ZNF134: variants seen among roughly 807,000 people sequenced by gnomAD.
ZNF134 encodes zinc finger protein 134 (clone pHZ-15).
A neutral mutation model predicts 2.5 loss-of-function variants in ZNF134; 5 were observed. That is an observed-to-expected ratio of 2.03 (90% CI 1.06 to 4.27). The LOEUF (loss-of-function observed/expected upper bound fraction) is 4.27. ZNF134 is among the 30% of genes most tolerant of loss of function. ZNF134 has a pLI of 0.00. For synonymous variants in ZNF134, 176 were observed against 176.2 expected (o/e 1.00, Z 0.01); for missense variants, 540 against 517.5 (o/e 1.04, Z -0.42).
rs188065824 is a variant in ZNF134, at chr19:57,616,220, A to G, written c.-58+1717A>G. On this transcript the variant is annotated intron_variant, in intron 1 of 2. Coordinates refer to ENST00000396161, the MANE Select transcript of ZNF134 (RefSeq NM_003435.5). ...GCAGCTCCCCTTCAGAGGAATATGT[A>G]TCAGGTAGGCTGGTTTAGTGCAAGG... 3.7e-3 allele frequency among the ~76,000 whole-genome samples: 562 copies of G among 152,328 alleles called. 5 individuals are homozygous for G. Among genetic ancestry groups the G allele is most frequent in the African/African-American group, 0.01 (427 of 41,564 alleles).
At chr19:57,617,369 T>C (rs1173453629) in intron 1 of ZNF134, among the ~76,000 whole-genome samples, 2 of 152,210 alleles carry the variant, frequency 1.3e-5, no homozygotes, top group South Asian at 2.1e-4. Flanking sequence ...GGATGGATTC[T>C]GAATCATTTT....
At chr19:57,619,223 T>C (rs1228353268) in intron 1 of ZNF134, among the ~76,000 whole-genome samples, 189 bp from the exon 2 acceptor site, 1 of 152,188 alleles carries the variant, frequency 6.6e-6, no homozygotes, top group Non-Finnish European at 1.5e-5. Flanking sequence ...GTAATTTCCT[T>C]GAGTCTGCCT....
chr19:57,617,091 C>T (rs1981074364), intron 1 of ZNF134, among the ~76,000 whole-genome samples: 1 of 152,184 alleles, frequency 6.6e-6, no homozygotes, highest in Non-Finnish European at 1.5e-5. Flanking sequence ...GAACCTCAGG[C>T]CTCCATTATG....
chr19:57,621,356 T>C lies in ZNF134; in HGVS notation c.1237T>C (p.Ser413Pro), dbSNP rs1981214571. The C allele has an allele frequency of 6.2e-7, 1 of 1,613,956 alleles. No individual in the cohort carries two copies. Among genetic ancestry groups the C allele is most frequent in the South Asian group, 1.1e-5 (1 of 91,062 alleles). The change falls in exon 3 of 3, where the codon TCC becomes CCC. Residue 413 changes from serine (S) to proline (P), a missense_variant. By Grantham distance (74) the Ser-to-Pro change is moderately conservative. Coordinates refer to ENST00000396161, the MANE Select transcript of ZNF134 (RefSeq NM_003435.5). ...SECGKAYSLS[S>P]HLNRHQKVHT... ...ATGTGGGAAGGCCTACAGCTTAAGC[T>C]CCCACCTCAATCGGCACCAGAAAGT... is the stretch of plus-strand genomic sequence containing the variant.
At position 57,621,249 on chromosome 19, in the gene ZNF134, G is replaced by A; in HGVS notation, c.1130G>A (p.Cys377Tyr). 1 of 1,614,138 alleles carries A rather than the reference G, an allele frequency of 6.2e-7. No individual in the cohort carries two copies. The highest frequency in any genetic ancestry group is 8.5e-7 in the Non-Finnish European group (1 of 1,180,022). The change falls in exon 3 of 3, where the codon TGT (cysteine) becomes TAT (tyrosine). Residue 377 changes from cysteine (C) to tyrosine (Y), a missense_variant. Transcript: ENST00000396161. ...GAAAGGCCTTTTGTGTGCAGTAAAT[G>A]TGGGAAAGACTTTATCAGAACCTCC... Reference protein sequence around the residue: ...TGERPFVCSKCGKDFIRTSHL... With the variant: ...TGERPFVCSKYGKDFIRTSHL...
chr19:57,614,427 C>T lies in ZNF134; in HGVS notation c.-134C>T, dbSNP rs754230157. On this transcript the variant is annotated 5_prime_UTR_variant, in exon 1 of 3. Transcript: ENST00000396161. The stretch of plus-strand genomic sequence containing the variant: ...GGACGACCGCGGTGCCAGGGTCCCG[C>T]GACCTGGGACCCCCTCGCGGCTCCG... 4.5e-5 allele frequency: 20 copies of T among 446,496 alleles called. No individual in the cohort carries two copies. The highest frequency in any genetic ancestry group is 2.0e-4 in the South Asian group (13 of 63,692). The allele number at this position is 446,496 out of a possible 1,614,324, so 27.7% of individuals were successfully genotyped here. A position where few individuals can be genotyped will look rare whatever the true frequency, so the allele number is the denominator to read the frequency against.
At position 57,622,040 on chromosome 19, in the gene ZNF134, G is replaced by A. The variant is rs1981238632; in HGVS notation, c.*637G>A. 6.0e-6 allele frequency: 1 copy of A among 167,336 alleles called. No homozygotes were observed. Among genetic ancestry groups the A allele is most frequent in the Non-Finnish European group, 1.3e-5 (1 of 75,706 alleles). The allele number at this position is 167,336 out of a possible 1,614,324, so 10.4% of individuals were successfully genotyped here. ...TTTGCCTCAAATGGGACAGTGGGTT[G>A]AGGGAGAACAGTTCTTAGTCCAGTT... On this transcript the variant is annotated 3_prime_UTR_variant, in exon 3 of 3. Transcript: ENST00000396161.
In ZNF134 at chr19:57,624,631, C is replaced by T. The variant is rs1293718650; in HGVS notation, c.*3228C>T. On this transcript the variant is annotated 3_prime_UTR_variant, in exon 3 of 3. Coordinates refer to ENST00000396161, the MANE Select transcript of ZNF134 (RefSeq NM_003435.5). ...ACACCCATACAATTAGAAACCCAAA[C>T]TTTGTTTTGCATGACTTGCTCTCAG... 6.6e-6 allele frequency: 1 copy of T among 152,232 alleles called. No homozygotes were observed. The highest frequency in any genetic ancestry group is 6.5e-5 in the Admixed American group (1 of 15,282). 9.4% of individuals were successfully genotyped at this position (152,232 alleles called of 1,614,324 possible).
chr19:57,621,157 C>T lies in ZNF134; in HGVS notation c.1038C>T (p.Cys346=). Residue 346 remains cysteine, a synonymous_variant, in exon 3 of 3, where the codon TGC becomes TGT. Transcript: ENST00000396161. ...ACACTGAGTCAAAGCCGTTTGAGTGCATTGAATGCGGGAAATTCTTTAGTC... is the reference window on the plus strand; with the variant it reads ...ACACTGAGTCAAAGCCGTTTGAGTGTATTGAATGCGGGAAATTCTTTAGTC... The part of the protein sequence containing the change: ...RIHTESKPFE[C]IECGKFFSRS... The T allele has an allele frequency of 6.2e-7, 1 of 1,614,230 alleles. No homozygotes were observed. Among genetic ancestry groups the T allele is most frequent in the South Asian group, 1.1e-5 (1 of 91,086 alleles).
Position 57,623,557 on chromosome 19 carries a change from A to AT in ZNF134, c.*2154_*2155insT, listed in dbSNP as rs1568631627. On this transcript the variant is annotated 3_prime_UTR_variant, in exon 3 of 3. Coordinates refer to ENST00000396161, the MANE Select transcript of ZNF134 (RefSeq NM_003435.5). ...AGCCCATCTTAATTGGAAAAAAAAA[A>AT]CAAACCATTGAAATTAAGAGATTCA... 6.6e-6 allele frequency: 1 copy of AT among 152,188 alleles called. No individual in the cohort carries two copies. Among genetic ancestry groups the AT allele is most frequent in the African/African-American group, 2.4e-5 (1 of 41,440 alleles). The allele number at this position is 152,188 out of a possible 1,614,324, so 9.4% of individuals were successfully genotyped here.
At chr19:57,617,741 T>A (rs1435768824) in intron 1 of ZNF134, among the ~76,000 whole-genome samples, 1 of 152,114 alleles carries the variant, frequency 6.6e-6, no homozygotes, top group Non-Finnish European at 1.5e-5. Flanking sequence ...ATGGTGACAG[T>A]GCCATCAGCA....
At position 57,621,537 on chromosome 19, in the gene ZNF134, C is replaced by A; in HGVS notation, c.*134C>A. On this transcript the variant is annotated 3_prime_UTR_variant, in exon 3 of 3. Transcript: ENST00000396161. ...GGGATATGTTGCACTTTCTGACTTG[C>A]TCAGGTTTTTTGCCAGAGTTATGTC... 2 of 1,437,416 alleles carry A rather than the reference C, an allele frequency of 1.4e-6. No individual in the cohort carries two copies. Among genetic ancestry groups the A allele is most frequent in the Non-Finnish European group, 1.9e-6 (2 of 1,033,438 alleles). The allele number at this position is 1,437,416 out of a possible 1,614,324, so 89.0% of individuals were successfully genotyped here. A position where few individuals can be genotyped will look rare whatever the true frequency, so the allele number is the denominator to read the frequency against.
chr19:57,621,428 C>T lies in ZNF134; in HGVS notation c.*25C>T, dbSNP rs752642909. On this transcript the variant is annotated 3_prime_UTR_variant, in exon 3 of 3. Transcript: ENST00000396161. The stretch of plus-strand genomic sequence containing the variant: ...GGAGTGCTTTGAATACAACAGGACT[C>T]ATCAATCAGATGTTGAATTTCATGT... 9.3e-6 allele frequency: 15 copies of T among 1,609,272 alleles called. No homozygotes were observed. Among genetic ancestry groups the T allele is most frequent in the East Asian group, 8.9e-5 (4 of 44,904 alleles).
rs550975119 is a variant in ZNF134, at chr19:57,620,283, G to A, written c.164G>A (p.Cys55Tyr). 6.2e-7 allele frequency: 1 copy of A among 1,614,188 alleles called. No individual in the cohort carries two copies. The highest frequency in any genetic ancestry group is 1.1e-5 in the South Asian group (1 of 91,084). Residue 55 changes from cysteine to tyrosine, a missense_variant, in exon 3 of 3, where the codon TGT (cysteine) becomes TAT (tyrosine). Physicochemically the swap from Cys to Tyr is radical, Grantham distance 194. Transcript: ENST00000396161. ...CAGACGGCTCTCCCTTGTGACATAT[G>A]TGGCCCCATCTTGAAAGATATTTTG... ...PAQTALPCDICGPILKDILHL... is the reference protein window; with the variant it reads ...PAQTALPCDIYGPILKDILHL...
At chr19:57,616,438 C>G (rs577538165) in intron 1 of ZNF134, among the ~76,000 whole-genome samples, 1 of 152,182 alleles carries the variant, frequency 6.6e-6, no homozygotes, top group African/African-American at 2.4e-5. Context: ...TTTTCAAAAA[C>G]TCATCAGTTC....
chr19:57,620,853 A>G lies in ZNF134; in HGVS notation c.734A>G (p.Asp245Gly), dbSNP rs1233145861. 3 of 1,614,160 alleles carry G rather than the reference A, an allele frequency of 1.9e-6. No individual in the cohort carries two copies. Among genetic ancestry groups the G allele is most frequent in the Non-Finnish European group, 2.5e-6 (3 of 1,180,020 alleles). ...SECGKTFSRKDNLTQHKRIHT... is the reference protein window; with the variant it reads ...SECGKTFSRKGNLTQHKRIHT... ...TGTGGAAAAACCTTCAGTCGAAAAG[A>G]CAACCTTACTCAGCACAAGAGAATC... The change falls in exon 3 of 3, where the codon GAC becomes GGC. Residue 245 changes from aspartate to glycine, a missense_variant. Coordinates refer to ENST00000396161, the MANE Select transcript of ZNF134 (RefSeq NM_003435.5).
rs1980986659 is a variant in ZNF134, at chr19:57,614,291, C to G, written c.-270C>G. ...AGGTGGAACCATCGGAGCAGAAGCT[C>G]GGGGTTGCTGGGCGGTTCCGAGGTG... On this transcript the variant is annotated 5_prime_UTR_variant, in exon 1 of 3. Transcript: ENST00000396161. 1 of 450,814 alleles carries G rather than the reference C, an allele frequency of 2.2e-6. No individual in the cohort carries two copies. Among genetic ancestry groups the G allele is most frequent in the South Asian group, 1.6e-5 (1 of 63,942 alleles). 27.9% of individuals were successfully genotyped at this position (450,814 alleles called of 1,614,324 possible). A position where few individuals can be genotyped will look rare whatever the true frequency, so the allele number is the denominator to read the frequency against.
rs1487391325 is a variant in ZNF134 at position 57,614,380 on chromosome 19, C to A, written c.-181C>A. 6.6e-6 allele frequency: 3 copies of A among 453,662 alleles called. No homozygotes were observed. Among genetic ancestry groups the A allele is most frequent in the South Asian group, 4.7e-5 (3 of 64,332 alleles). 28.1% of individuals were successfully genotyped at this position (453,662 alleles called of 1,614,324 possible). A position where few individuals can be genotyped will look rare whatever the true frequency, so the allele number is the denominator to read the frequency against. On this transcript the variant is annotated 5_prime_UTR_variant, in exon 1 of 3. Transcript: ENST00000396161. ...CTGCGGAGTGGCTCGCCAGCGAAGA[C>A]CCCGCCTGCGCCCCCGGGGACGGAC...
intron 1 of ZNF134, chr19:57,618,737 C>T (rs1981118074): frequency 6.6e-6 from 1 of 152,418 alleles, no homozygotes; most frequent in Admixed American, 6.5e-5. Context: ...GCTCAGTTGT[C>T]CACCTCACAC....
Sources: gnomAD v4.1 joint callset for allele counts (sites outside exome capture counted in the v4.1 genomes callset) on GRCh38, gnomAD v4.1.1 for gene constraint, MANE v1.5 for transcripts, NCBI Gene and HGNC (gene_info 2026-07-23, HGNC 2026-07-21) for gene names.